Variants in SNRNP40 observed in about 807,000 individuals in gnomAD.
SNRNP40 encodes the protein small nuclear ribonucleoprotein U5 subunit 40, also known as U5 small nuclear ribonucleoprotein 40 kDa protein.
SNRNP40 carries 21 observed loss-of-function variants against 45.8 expected under a neutral mutation model. That is an observed-to-expected ratio of 0.46 (90% CI 0.32 to 0.66). The LOEUF is 0.66. SNRNP40 is among the 30% of genes least tolerant of loss of function. SNRNP40 has a pLI of 0.03. For missense variants in SNRNP40, 344 were observed against 439.1 expected, an observed-to-expected ratio of 0.78 and a Z score of 1.94; for synonymous variants, 142 against 163.8, an observed-to-expected ratio of 0.87 and a Z score of 1.01.
intron 5 of SNRNP40, among the ~76,000 whole-genome samples, chr1:31,273,123 G>A (rs1645950017): frequency 6.6e-6 from 1 of 152,164 alleles, no homozygotes; most frequent in Non-Finnish European, 1.5e-5. Context: ...TTTATATCAA[G>A]ATGTTTGCTG....
At chr1:31,289,204 G>C in intron 4 of SNRNP40, 50 bp downstream of exon 4, 2 of 1,577,626 alleles carry the variant, frequency 1.3e-6, no homozygotes, top group Non-Finnish European at 1.7e-6. Context: ...GCAAGATAAG[G>C]TTCACATCAC....
In SNRNP40 at chr1:31,267,941, A is replaced by G. The variant is rs777083079; in HGVS notation, c.859-9T>C. 6.2e-7 allele frequency: 1 copy of G among 1,606,248 alleles called. No individual in the cohort carries two copies. The highest frequency in any genetic ancestry group is 8.5e-7 in the Non-Finnish European group (1 of 1,173,192). On this transcript the variant is annotated splice_polypyrimidine_tract_variant and intron_variant, in intron 7 of 9. Transcript: ENST00000263694. ...GAACATCTCAGAAGGTTCTATGATA[A>G]ACAAGAATCCACTGAATAGTAATAT...
At chr1:31,287,078 G>C (rs752805995) in intron 4 of SNRNP40, among the ~76,000 whole-genome samples, 2 of 152,162 alleles carry the variant, frequency 1.3e-5, no homozygotes, top group East Asian at 3.8e-4. Flanking sequence ...GGAAACCTTT[G>C]CTTTCTGTTA....
chr1:31,264,973 T>C (rs1645886290), intron 8 of SNRNP40, among the ~76,000 whole-genome samples: 4 of 152,314 alleles, frequency 2.6e-5, no homozygotes, highest in South Asian at 2.1e-4. Flanking sequence ...TCTCCTTACT[T>C]TGGCATGGCA....
chr1:31,285,703 T>C (rs1177722334), intron 4 of SNRNP40, among the ~76,000 whole-genome samples: 1 of 152,224 alleles, frequency 6.6e-6, no homozygotes, highest in African/African-American at 2.4e-5. Flanking sequence ...AAGGATTCAG[T>C]CTGGAATCAT....
chr1:31,268,016 TC>T, intron 7 of SNRNP40, 84 bp from the exon 8 acceptor site: 1 of 906,496 alleles, frequency 1.1e-6, no homozygotes. Context: ...GCTTTAAATT[TC>T]CTAACTAGAG....
intron 5 of SNRNP40, among the ~76,000 whole-genome samples, chr1:31,278,793 G>C (rs1045380645): frequency 6.6e-6 from 1 of 152,084 alleles, no homozygotes; most frequent in African/African-American, 2.4e-5. Context: ...AATTGTCTTC[G>C]GCAGAGGGAT....
At chr1:31,277,237 G>T (rs984093686) in intron 5 of SNRNP40, among the ~76,000 whole-genome samples, 57 of 152,174 alleles carry the variant, frequency 3.7e-4, no homozygotes, top group African/African-American at 1.4e-3. Flanking sequence ...ATATTATAAT[G>T]TTTACATACA....
chr1:31,274,044 A>G (rs776166676), intron 5 of SNRNP40, among the ~76,000 whole-genome samples: 8 of 152,116 alleles, frequency 5.3e-5, no homozygotes, highest in Non-Finnish European at 8.8e-5. Context: ...AGGGGCATGA[A>G]AAACACTGCT....
At chr1:31,288,795 G>A (rs1646080643) in intron 4 of SNRNP40, among the ~76,000 whole-genome samples, 1 of 152,012 alleles carries the variant, frequency 6.6e-6, no homozygotes, top group Non-Finnish European at 1.5e-5. Context: ...CTGGAGTGCA[G>A]TGGTGCAATC....
chr1:31,293,168 A>C (rs767262815), intron 2 of SNRNP40, 51 bp downstream of exon 2: 4 of 1,607,376 alleles, frequency 2.5e-6, no homozygotes, highest in South Asian at 1.1e-5. Context: ...TAAAAAAAAA[A>C]ATCACTATCT....
intron 3 of SNRNP40, among the ~76,000 whole-genome samples, chr1:31,290,911 A>C (rs1204006517): frequency 6.6e-6 from 1 of 151,952 alleles, no homozygotes; most frequent in South Asian, 2.1e-4. Flanking sequence ...AATAAATAAA[A>C]AAGATTGTAC....
chr1:31,262,664 T>TA (rs1645868220), intron 8 of SNRNP40, among the ~76,000 whole-genome samples: 50 of 149,170 alleles, frequency 3.4e-4, no homozygotes, highest in Non-Finnish European at 4.5e-4. Context: ...TTAGAACTCT[T>TA]CAAAAAAAAA....
chr1:31,289,038 A>C (rs952923319), intron 4 of SNRNP40, among the ~76,000 whole-genome samples: 28 of 152,230 alleles, frequency 1.8e-4, no homozygotes, highest in African/African-American at 6.5e-4. Context: ...GCCTATTTCA[A>C]GTAACAATTT....
chr1:31,283,697 CAG>C (rs949327858), intron 4 of SNRNP40, among the ~76,000 whole-genome samples: 3 of 152,198 alleles, frequency 2.0e-5, no homozygotes, highest in African/African-American at 4.8e-5. Flanking sequence ...ACCTAATTTC[CAG>C]AGTCACCACG....
intron 4 of SNRNP40, chr1:31,282,016 A>G (rs1407939265): frequency 6.6e-6 from 1 of 152,564 alleles, no homozygotes; most frequent in Non-Finnish European, 1.5e-5. Flanking sequence ...AAAAGTTTAT[A>G]GTAACCCGGC....
chr1:31,266,000 C>A (rs1217671112), intron 8 of SNRNP40, among the ~76,000 whole-genome samples: 6 of 152,046 alleles, frequency 3.9e-5, no homozygotes, highest in African/African-American at 1.4e-4. Flanking sequence ...TTTAGATTTC[C>A]CTCTTCTAGG....
chr1:31,271,204 C>T, intron 6 of SNRNP40, 175 bp downstream of exon 6: 1 of 565,402 alleles, frequency 1.8e-6, no homozygotes, highest in Non-Finnish European at 3.0e-6. Flanking sequence ...AGAAGAAATG[C>T]TGTGTGCAAA....
intron 5 of SNRNP40, among the ~76,000 whole-genome samples, 192 bp from the exon 6 acceptor site, chr1:31,271,691 C>T (rs1645939835): frequency 6.6e-6 from 1 of 151,588 alleles, no homozygotes; most frequent in African/African-American, 2.4e-5. Context: ...CACTCTGTTG[C>T]CCAGTGCAGT....
Sources: gnomAD v4.1 joint callset for allele counts (sites outside exome capture counted in the v4.1 genomes callset) on GRCh38, gnomAD v4.1.1 for gene constraint, MANE v1.5 for transcripts, NCBI Gene and HGNC (gene_info 2026-07-23, HGNC 2026-07-21) for gene names.